The following KLHL1 variants were observed in gnomAD, a reference collection of about 807,000 sequenced individuals.
The protein encoded by KLHL1 is kelch-like protein 1.
A neutral mutation model predicts 77.7 loss-of-function variants in KLHL1; 47 were observed. The ratio of observed to expected loss-of-function variants is 0.60; its 90% CI spans 0.48 to 0.77. The LOEUF is 0.77. KLHL1 is among the 30% of genes least tolerant of loss of function. The pLI is 0.00. For synonymous variants in KLHL1, 360 were observed against 325.2 expected, an observed-to-expected ratio of 1.11 and a Z score of -1.15; for missense variants, 925 against 910.8, an observed-to-expected ratio of 1.02 and a Z score of -0.20.
chr13:69,827,558 C>G (rs1046377206), intron 6 of KLHL1, among the ~76,000 whole-genome samples: 1 of 151,550 alleles, frequency 6.6e-6, no homozygotes, highest in Admixed American at 6.6e-5. Context: ...GGTGAAACCC[C>G]GTCTCTACAG....
At chr13:69,972,185 T>A (rs1208918669) in intron 2 of KLHL1, among the ~76,000 whole-genome samples, 2 of 151,982 alleles carry the variant, frequency 1.3e-5, no homozygotes, top group Non-Finnish European at 2.9e-5. Flanking sequence ...TTTATATATG[T>A]TGTTTAGGTA....
chr13:70,001,646 ATATCTATCTATTATCTATC>A (rs1885292122), intron 1 of KLHL1, among the ~76,000 whole-genome samples: 1 of 129,418 alleles, frequency 7.7e-6, no homozygotes, highest in African/African-American at 2.9e-5. Context: ...AAACATTGGG[ATATCTATCTATTATCTATC>A]TATCTATCTA....
chr13:69,736,364 G>T (rs1035693554), intron 8 of KLHL1, among the ~76,000 whole-genome samples: 1 of 152,038 alleles, frequency 6.6e-6, no homozygotes, highest in Non-Finnish European at 1.5e-5. Flanking sequence ...TTGCAAGAAT[G>T]GTCATAATCC....
intron 4 of KLHL1, among the ~76,000 whole-genome samples, chr13:69,895,396 G>T (rs1881595752): frequency 6.6e-6 from 1 of 152,116 alleles, no homozygotes; most frequent in Non-Finnish European, 1.5e-5. Flanking sequence ...CCACTGTCAT[G>T]GTGCGTCTCT....
At chr13:69,817,674 T>C (rs1878173999) in intron 6 of KLHL1, among the ~76,000 whole-genome samples, 1 of 152,222 alleles carries the variant, frequency 6.6e-6, no homozygotes, top group African/African-American at 2.4e-5. Flanking sequence ...TCATGAAATA[T>C]ATGCTAAACA....
At chr13:70,003,067 A>G (rs1437564688) in intron 1 of KLHL1, among the ~76,000 whole-genome samples, 1 of 151,854 alleles carries the variant, frequency 6.6e-6, no homozygotes, top group East Asian at 1.9e-4. Context: ...GACTAACAGA[A>G]AAGTGAACAA....
intron 1 of KLHL1, among the ~76,000 whole-genome samples, chr13:70,061,504 CTCTT>C (rs1311631578): frequency 6.6e-6 from 1 of 152,094 alleles, no homozygotes; most frequent in East Asian, 1.9e-4. Flanking sequence ...TGTGCTCACT[CTCTT>C]TATTTCCCTT....
chr13:70,037,125 A>C lies in KLHL1; in HGVS notation c.498-61323T>G, dbSNP rs187338932. On this transcript the variant is annotated intron_variant, in intron 1 of 10. Coordinates refer to ENST00000377844, the MANE Select transcript of KLHL1 (RefSeq NM_020866.3). ...TGTTGTAATGCCAATTTTACTTAGT[A>C]AGATATTTTTCACATTTTTTGCTCA... Among the ~76,000 whole-genome samples, 254 of 152,130 alleles carry C rather than the reference A, an allele frequency of 1.7e-3. 1 individual carries two copies. The highest frequency in any genetic ancestry group is 6.0e-3 in the African/African-American group (248 of 41,564).
At chr13:69,742,856 TG>T (rs1409623640) in intron 7 of KLHL1, among the ~76,000 whole-genome samples, 1 of 152,072 alleles carries the variant, frequency 6.6e-6, no homozygotes, top group Non-Finnish European at 1.5e-5. Flanking sequence ...ACATAGGAAA[TG>T]GGGATTAGAA....
chr13:69,888,630 A>G (rs1881306280), intron 4 of KLHL1, among the ~76,000 whole-genome samples: 1 of 152,146 alleles, frequency 6.6e-6, no homozygotes, highest in South Asian at 2.1e-4. Flanking sequence ...GGAAGAAGCA[A>G]GAAAGGATTC....
In KLHL1 at chr13:69,780,197, T is replaced by A. The variant is rs1032641828; in HGVS notation, c.1639+16541A>T. Among the ~76,000 whole-genome samples, 149 of 152,214 alleles carry A rather than the reference T, an allele frequency of 9.8e-4. 10 individuals carry two copies. Among genetic ancestry groups the A allele is most frequent in the Non-Finnish European group, 1.3e-4 (9 of 68,044 alleles). ...TGTGTATGTGATTTGAGTATGTGGATACAAGCATGCATTATTGAGAGACTT... is the reference window on the plus strand; with the variant it reads ...TGTGTATGTGATTTGAGTATGTGGAAACAAGCATGCATTATTGAGAGACTT... On this transcript the variant is annotated intron_variant, in intron 7 of 10. Coordinates refer to ENST00000377844, the MANE Select transcript of KLHL1 (RefSeq NM_020866.3).
At chr13:69,835,158 A>T (rs1223020323) in intron 6 of KLHL1, among the ~76,000 whole-genome samples, 2 of 152,166 alleles carry the variant, frequency 1.3e-5, no homozygotes, top group Non-Finnish European at 2.9e-5. Flanking sequence ...TTCAAAAATT[A>T]TAGGACATAA....
intron 1 of KLHL1, among the ~76,000 whole-genome samples, chr13:69,980,121 C>T (rs1296872242): frequency 1.3e-5 from 2 of 152,184 alleles, no homozygotes; most frequent in African/African-American, 2.4e-5. Context: ...GTTCAGGACT[C>T]AATATTCTTT....
At chr13:70,020,609 G>C (rs1250151860) in intron 1 of KLHL1, among the ~76,000 whole-genome samples, 1 of 152,030 alleles carries the variant, frequency 6.6e-6, no homozygotes, top group Non-Finnish European at 1.5e-5. Context: ...ACTACCTGGA[G>C]AGCAGAAGCT....
chr13:70,002,626 G>C (rs894655685), intron 1 of KLHL1, among the ~76,000 whole-genome samples: 2 of 151,424 alleles, frequency 1.3e-5, no homozygotes, highest in Non-Finnish European at 3.0e-5. Flanking sequence ...CCCCAATCAG[G>C]ATATATACAA....
chr13:70,007,659 C>T (rs190827156), intron 1 of KLHL1, among the ~76,000 whole-genome samples: 3 of 152,062 alleles, frequency 2.0e-5, no homozygotes, highest in African/African-American at 7.2e-5. Context: ...TCTATTTAAG[C>T]TTTGTTGGTG....
chr13:69,818,523 A>C (rs1410192051), intron 6 of KLHL1, among the ~76,000 whole-genome samples: 1 of 152,032 alleles, frequency 6.6e-6, no homozygotes, highest in Non-Finnish European at 1.5e-5. Flanking sequence ...CCGGCCAGGC[A>C]TCTTTTTTTA....
intron 6 of KLHL1, among the ~76,000 whole-genome samples, chr13:69,824,927 T>A (rs747721935): frequency 1.3e-5 from 2 of 152,148 alleles, no homozygotes; most frequent in African/African-American, 4.8e-5. Flanking sequence ...CTAAAAAAAA[T>A]TTGAAATCTA....
chr13:70,024,047 A>C (rs1163859027), intron 1 of KLHL1, among the ~76,000 whole-genome samples: 1 of 151,884 alleles, frequency 6.6e-6, no homozygotes, highest in African/African-American at 2.4e-5. Context: ...TGCAAAAAAA[A>C]TGTATTAGGG....
Sources: gnomAD v4.1 joint callset for allele counts (sites outside exome capture counted in the v4.1 genomes callset) on GRCh38, gnomAD v4.1.1 for gene constraint, MANE v1.5 for transcripts, NCBI Gene and HGNC (gene_info 2026-07-23, HGNC 2026-07-21) for gene names.